The following SPAG16 variants were observed in gnomAD, a reference collection of about 807,000 sequenced individuals.
SPAG16 encodes the protein sperm-associated antigen 16 protein.
In SPAG16, 86 loss-of-function variants were observed where a neutral mutation model predicts 80.4. The observed-to-expected ratio is 1.07, with a 90% CI of 0.90 to 1.28. The LOEUF is 1.28. SPAG16 is among the 50% of genes most tolerant of loss of function. SPAG16 has a pLI of 0.00. For missense variants in SPAG16, 870 were observed against 765.3 expected, an observed-to-expected ratio of 1.14 and a Z score of -1.61; for synonymous variants, 294 against 265.9, an observed-to-expected ratio of 1.11 and a Z score of -1.03.
intron 7 of SPAG16, among the ~76,000 whole-genome samples, chr2:213,361,130 C>G (rs1406703402): frequency 6.6e-6 from 1 of 151,888 alleles, no homozygotes; most frequent in Non-Finnish European, 1.5e-5. Context: ...TACATGTTTT[C>G]AAATTTCTTT....
At chr2:213,528,131 A>G (rs6755408) in intron 10 of SPAG16, among the ~76,000 whole-genome samples, 40,809 of 152,084 alleles carry the variant, frequency 0.27, 6,376 homozygotes, top group Middle Eastern at 0.44. Context: ...GGACAAACCT[A>G]TGTTTTCAAC....
At chr2:213,478,077 C>A (rs1188054131) in intron 9 of SPAG16, among the ~76,000 whole-genome samples, 2 of 152,174 alleles carry the variant, frequency 1.3e-5, no homozygotes. Flanking sequence ...CTCTGTCCTG[C>A]TGCCCTGTGA....
intron 9 of SPAG16, among the ~76,000 whole-genome samples, chr2:213,427,303 A>G (rs935288449): frequency 1.3e-5 from 2 of 152,220 alleles, no homozygotes; most frequent in Non-Finnish European, 2.9e-5. Context: ...AATTTGCATT[A>G]GTATACCCAA....
chr2:213,702,425 C>G (rs374938982), intron 10 of SPAG16, among the ~76,000 whole-genome samples: 9 of 152,170 alleles, frequency 5.9e-5, no homozygotes, highest in Non-Finnish European at 1.5e-5. Context: ...ACACTCACCG[C>G]GAAGGTCTGC....
rs36006046 is a variant in SPAG16, at chr2:214,059,186, C to CTATATATATATA, written c.1527+45127_1527+45138dup. 1.3e-3 allele frequency among the ~76,000 whole-genome samples: 148 copies of CTATATATATATA among 114,356 alleles called. 1 individual carries two copies. The highest frequency in any genetic ancestry group is 4.9e-3 in the Middle Eastern group (1 of 204). The allele number at this position is 114,356 out of a possible 152,430, so 75.0% of individuals were successfully genotyped here. A position where few individuals can be genotyped will look rare whatever the true frequency, so the allele number is the denominator to read the frequency against. ...AGCAAGACTCTGTCTCTCTCTCTGT[C>CTATATATATATA]TATATATATATATATATATATATAT... On this transcript the variant is annotated intron_variant, in intron 13 of 15. Transcript: ENST00000331683.
chr2:213,433,918 T>TC (rs1553526977), intron 9 of SPAG16, among the ~76,000 whole-genome samples: 1 of 76,804 alleles, frequency 1.3e-5, no homozygotes, highest in African/African-American at 3.4e-5. Context: ...TCTTTGTCTT[T>TC]TTTTTTTTTT....
chr2:214,005,688 ATTATTT>A (rs1575797790), intron 12 of SPAG16, among the ~76,000 whole-genome samples: 1 of 152,180 alleles, frequency 6.6e-6, no homozygotes, highest in East Asian at 1.9e-4. Flanking sequence ...CACATGATGA[ATTATTT>A]TATATTATTT....
chr2:213,350,884 G>A (rs148394993), intron 7 of SPAG16, among the ~76,000 whole-genome samples: 1,642 of 152,092 alleles, frequency 0.011, 18 homozygotes, highest in Admixed American at 0.015. Context: ...AGCACTTTGG[G>A]AGACCAAGGT....
intron 5 of SPAG16, among the ~76,000 whole-genome samples, chr2:213,323,998 T>C (rs1193940130): frequency 6.6e-6 from 1 of 152,080 alleles, no homozygotes; most frequent in East Asian, 1.9e-4. Context: ...GCATTACAAA[T>C]CAAAGGGCAT....
At chr2:213,674,581 G>A (rs2063963415) in intron 10 of SPAG16, among the ~76,000 whole-genome samples, 1 of 147,766 alleles carries the variant, frequency 6.8e-6, no homozygotes, top group Non-Finnish European at 1.5e-5. Context: ...TCCCCTTTCT[G>A]TGTCCATGTG....
intron 15 of SPAG16, among the ~76,000 whole-genome samples, chr2:214,161,907 T>A (rs1440735809): frequency 1.3e-5 from 2 of 152,164 alleles, no homozygotes; most frequent in Non-Finnish European, 2.9e-5. Flanking sequence ...TTTGTTTGTC[T>A]TTGTATTTTT....
intron 10 of SPAG16, among the ~76,000 whole-genome samples, chr2:213,593,875 C>A (rs1354409213): frequency 1.4e-5 from 2 of 147,212 alleles, no homozygotes; most frequent in East Asian, 4.1e-4. Flanking sequence ...CCCCGGTTCC[C>A]GCTATTCTCC....
chr2:213,800,705 C>G (rs922250663), intron 10 of SPAG16, among the ~76,000 whole-genome samples: 1 of 152,158 alleles, frequency 6.6e-6, no homozygotes, highest in Non-Finnish European at 1.5e-5. Flanking sequence ...GTCTTGGAAG[C>G]AAACCAGCCT....
chr2:213,395,630 G>A (rs1343516018), intron 9 of SPAG16, among the ~76,000 whole-genome samples: 1 of 152,110 alleles, frequency 6.6e-6, no homozygotes, highest in Admixed American at 6.5e-5. Context: ...GTTGGGTGGT[G>A]AATGATAAAA....
At chr2:213,459,401 A>G (rs1371945675) in intron 9 of SPAG16, among the ~76,000 whole-genome samples, 4 of 152,234 alleles carry the variant, frequency 2.6e-5, no homozygotes, top group Admixed American at 2.6e-4. Flanking sequence ...TCTTTTACTG[A>G]CATCTTGCAG....
intron 10 of SPAG16, among the ~76,000 whole-genome samples, chr2:213,600,291 A>C (rs1229155512): frequency 2.0e-5 from 3 of 152,180 alleles, no homozygotes; most frequent in Non-Finnish European, 2.9e-5. Flanking sequence ...GCAACATTAT[A>C]TTCTTTCTTC....
intron 15 of SPAG16, among the ~76,000 whole-genome samples, chr2:214,282,725 A>T (rs1282946192): frequency 6.6e-6 from 1 of 152,190 alleles, no homozygotes; most frequent in East Asian, 1.9e-4. Flanking sequence ...AATATATAAA[A>T]GCCAGAAGTG....
chr2:214,387,893 T>C (rs973315023), intron 15 of SPAG16, among the ~76,000 whole-genome samples: 7 of 152,176 alleles, frequency 4.6e-5, no homozygotes, highest in Non-Finnish European at 1.0e-4. Flanking sequence ...GTGTGGATTA[T>C]GAGAACTACA....
At chr2:214,269,463 A>C (rs1193472531) in intron 15 of SPAG16, among the ~76,000 whole-genome samples, 1 of 151,994 alleles carries the variant, frequency 6.6e-6, no homozygotes, top group Non-Finnish European at 1.5e-5. Context: ...GTATGTGTGC[A>C]TGTGTGTGTT....
Sources: allele counts gnomAD v4.1 joint callset (sites outside exome capture counted in the v4.1 genomes callset), GRCh38; gene constraint gnomAD v4.1.1; transcripts MANE v1.5; gene names NCBI Gene and HGNC (gene_info 2026-07-23, HGNC 2026-07-21).